Variants in BMPR1B observed in about 807,000 individuals in gnomAD.
BMPR1B encodes the protein bone morphogenetic protein receptor type-1B.
BMPR1B carries 12 observed loss-of-function variants against 59.1 expected under a neutral mutation model. That is an observed-to-expected ratio of 0.20 (90% confidence interval 0.13 to 0.33). The LOEUF (loss-of-function observed/expected upper bound fraction) is 0.33. BMPR1B is among the 10% of genes least tolerant of loss of function. The probability of loss-of-function intolerance (pLI) is 1.00; values close to 1 mark genes in which losing one functional copy is unlikely to be tolerated. For missense variants in BMPR1B, 550 were observed against 610.9 expected (o/e 0.90, Z 1.05); for synonymous variants, 237 against 207.3 (o/e 1.14, Z -1.23).
chr4:94,880,288 A>T (rs1453354475), intron 2 of BMPR1B, among the ~76,000 whole-genome samples: 11 of 152,134 alleles, frequency 7.2e-5, no homozygotes, highest in African/African-American at 2.7e-4. Flanking sequence ...TATGCCCTAA[A>T]AACAATGCAT....
chr4:94,924,156 C>T (rs1436715856), intron 2 of BMPR1B, among the ~76,000 whole-genome samples: 1 of 152,096 alleles, frequency 6.6e-6, no homozygotes, highest in Non-Finnish European at 1.5e-5. Flanking sequence ...TAGTTTTCTT[C>T]ACTTTTTCTA....
intron 2 of BMPR1B, among the ~76,000 whole-genome samples, chr4:94,892,484 A>G (rs1015205126): frequency 6.6e-6 from 1 of 152,118 alleles, no homozygotes; most frequent in African/African-American, 2.4e-5. Context: ...TTTAACAAGC[A>G]TTTATTGAAC....
At chr4:94,924,430 G>A (rs1728809719) in intron 2 of BMPR1B, among the ~76,000 whole-genome samples, 1 of 152,032 alleles carries the variant, frequency 6.6e-6, no homozygotes, top group African/African-American at 2.4e-5. Flanking sequence ...AAGGATACTT[G>A]GGGGCATTTT....
chr4:94,765,341 T>C (rs564228547), intron 1 of BMPR1B, among the ~76,000 whole-genome samples: 59 of 152,286 alleles, frequency 3.9e-4, no homozygotes, highest in African/African-American at 1.3e-3. Flanking sequence ...AATTTAATCA[T>C]GCATCAGTAA....
At chr4:94,957,907 C>T (rs550941370) in intron 2 of BMPR1B, among the ~76,000 whole-genome samples, 3 of 151,756 alleles carry the variant, frequency 2.0e-5, no homozygotes, top group South Asian at 2.1e-4. Flanking sequence ...AAATAAGAAG[C>T]GTAGATGGAA....
At position 95,035,914 on chromosome 4, in the gene BMPR1B, A is replaced by G. The variant is rs181956062; in HGVS notation, c.-18+39780A>G. Among the ~76,000 whole-genome samples, 201 of 152,294 alleles carry G rather than the reference A, an allele frequency of 1.3e-3. 1 individual carries two copies. The highest frequency in any genetic ancestry group is 2.1e-3 in the Non-Finnish European group (145 of 68,014). On this transcript the variant is annotated intron_variant, in intron 3 of 12. Coordinates refer to ENST00000515059, the MANE Select transcript of BMPR1B (RefSeq NM_001203.3). ...ATATTGATTCTAGCCATTCACCAGC[A>G]TGGTATGTATTTCCATTTGTCTGTG...
intron 1 of BMPR1B, among the ~76,000 whole-genome samples, chr4:94,767,418 T>G (rs1020462730): frequency 6.6e-6 from 1 of 152,064 alleles, no homozygotes; most frequent in Admixed American, 6.5e-5. Flanking sequence ...ACATGCTGTT[T>G]GTTAGGAGCT....
At chr4:94,979,846 T>C (rs1731166876) in intron 2 of BMPR1B, among the ~76,000 whole-genome samples, 1 of 152,166 alleles carries the variant, frequency 6.6e-6, no homozygotes, top group African/African-American at 2.4e-5. Flanking sequence ...CTTTGGAAAA[T>C]GTTGGACTGT....
chr4:95,063,153 G>A (rs572098661), intron 3 of BMPR1B, among the ~76,000 whole-genome samples: 16 of 152,048 alleles, frequency 1.1e-4, no homozygotes, highest in African/African-American at 3.9e-4. Flanking sequence ...AGATCTAGGG[G>A]TAAAAAAGAA....
At chr4:94,971,406 CTCA>C (rs1201574098) in intron 2 of BMPR1B, among the ~76,000 whole-genome samples, 1 of 152,048 alleles carries the variant, frequency 6.6e-6, no homozygotes, top group African/African-American at 2.4e-5. Context: ...ATAGTTCGGT[CTCA>C]TCATCTGTCA....
intron 1 of BMPR1B, among the ~76,000 whole-genome samples, chr4:94,808,942 C>T (rs1009932907): frequency 2.0e-5 from 3 of 152,014 alleles, no homozygotes; most frequent in Admixed American, 6.6e-5. Context: ...GTAGTTCCAG[C>T]TACTTGGGAG....
intron 2 of BMPR1B, among the ~76,000 whole-genome samples, chr4:94,899,350 C>A (rs199545083): frequency 0.012 from 1,758 of 141,654 alleles, 35 homozygotes; most frequent in African/African-American, 0.045. Flanking sequence ...CAGGCCACTA[C>A]AACTTTTCAG....
chr4:94,887,473 C>G (rs1349617661), intron 2 of BMPR1B, among the ~76,000 whole-genome samples: 2 of 138,210 alleles, frequency 1.4e-5, no homozygotes, highest in Non-Finnish European at 3.1e-5. Flanking sequence ...TAAATATACT[C>G]AAACATTTAG....
At chr4:94,902,741 T>G (rs1210270522) in intron 2 of BMPR1B, among the ~76,000 whole-genome samples, 1 of 152,156 alleles carries the variant, frequency 6.6e-6, no homozygotes, top group East Asian at 1.9e-4. Flanking sequence ...TAAAATTAAC[T>G]TACTATTTTG....
At chr4:95,086,941 T>G (rs1462093474) in intron 3 of BMPR1B, among the ~76,000 whole-genome samples, 1 of 152,074 alleles carries the variant, frequency 6.6e-6, no homozygotes, top group Non-Finnish European at 1.5e-5. Flanking sequence ...TTCTAAATGT[T>G]GTGTTTTACC....
intron 3 of BMPR1B, among the ~76,000 whole-genome samples, chr4:95,043,674 T>A (rs956905781): frequency 6.6e-6 from 1 of 152,234 alleles, no homozygotes; most frequent in Non-Finnish European, 1.5e-5. Context: ...TGGATTTGAT[T>A]GTGCTGATGC....
intron 3 of BMPR1B, among the ~76,000 whole-genome samples, chr4:95,017,996 T>C (rs571568512): frequency 3.9e-5 from 6 of 152,322 alleles, no homozygotes; most frequent in African/African-American, 1.4e-4. Context: ...GAAAATACTG[T>C]CTTTTCATGC....
At chr4:94,922,430 A>G (rs1728737733) in intron 2 of BMPR1B, among the ~76,000 whole-genome samples, 1 of 152,170 alleles carries the variant, frequency 6.6e-6, no homozygotes, top group Non-Finnish European at 1.5e-5. Flanking sequence ...AGCAAACCAC[A>G]AATAAAACAT....
intron 2 of BMPR1B, among the ~76,000 whole-genome samples, chr4:94,943,936 T>A (rs757674627): frequency 5.3e-5 from 8 of 152,184 alleles, no homozygotes; most frequent in Non-Finnish European, 1.2e-4. Flanking sequence ...ATCTCTTATC[T>A]GAAAATCCTA....
Sources: allele counts gnomAD v4.1 joint callset (sites outside exome capture counted in the v4.1 genomes callset), GRCh38; gene constraint gnomAD v4.1.1; transcripts MANE v1.5; gene names NCBI Gene and HGNC (gene_info 2026-07-23, HGNC 2026-07-21).